Variants in GLIS3 observed in about 807,000 individuals in gnomAD.
GLIS3 encodes the protein GLIS family zinc finger 3.
A neutral mutation model predicts 78.6 loss-of-function variants in GLIS3; 53 were observed. The ratio of observed to expected loss-of-function variants is 0.67; its 90% CI spans 0.54 to 0.85. GLIS3 has a LOEUF of 0.85. Among genes scored for constraint, GLIS3 ranks in the 40% least tolerant of loss-of-function variants. GLIS3 has a pLI of 0.00. For missense variants in GLIS3, 1,703 were observed against 1,231.1 expected (o/e 1.38, Z -5.74); for synonymous variants, 684 against 509.9 (o/e 1.34, Z -4.60).
chr9:4,169,312 T>A (rs1816161827), intron 2 of GLIS3, among the ~76,000 whole-genome samples: 1 of 152,236 alleles, frequency 6.6e-6, no homozygotes, highest in Admixed American at 6.5e-5. Flanking sequence ...TGGAAGTTAC[T>A]AACCAGTTTG....
At chr9:4,258,797 G>C (rs908012698) in intron 2 of GLIS3, among the ~76,000 whole-genome samples, 1 of 152,064 alleles carries the variant, frequency 6.6e-6, no homozygotes, top group African/African-American at 2.4e-5. Context: ...GAAGCTACCT[G>C]GAAACAAAAT....
At chr9:3,873,934 T>G (rs943960563) in intron 8 of GLIS3, among the ~76,000 whole-genome samples, 1 of 152,134 alleles carries the variant, frequency 6.6e-6, no homozygotes, top group South Asian at 2.1e-4. Context: ...ATACACTAGA[T>G]TGAATACTCT....
At chr9:4,113,396 T>C (rs1009914107) in intron 4 of GLIS3, among the ~76,000 whole-genome samples, 7 of 152,182 alleles carry the variant, frequency 4.6e-5, no homozygotes, top group African/African-American at 1.4e-4. Flanking sequence ...TCAACCTTAC[T>C]AGGTATTACC....
chr9:4,345,045 A>C (rs1817880581), intron 2 of GLIS3, among the ~76,000 whole-genome samples: 1 of 152,194 alleles, frequency 6.6e-6, no homozygotes, highest in East Asian at 1.9e-4. Flanking sequence ...TTGTTAGTAC[A>C]ACCACGAAAA....
At chr9:4,210,807 G>A (rs1035386015) in intron 2 of GLIS3, among the ~76,000 whole-genome samples, 2 of 152,230 alleles carry the variant, frequency 1.3e-5, no homozygotes, top group East Asian at 1.9e-4. Context: ...CAATAAGCAA[G>A]TCATGGGCCT....
At chr9:4,185,550 GT>G (rs1185619009) in intron 2 of GLIS3, among the ~76,000 whole-genome samples, 3 of 152,012 alleles carry the variant, frequency 2.0e-5, no homozygotes, top group African/African-American at 4.8e-5. Flanking sequence ...AAAGTTGATG[GT>G]TTATGTATTC....
At chr9:4,356,799 A>T in the GLIS3 span, among the ~76,000 whole-genome samples, 29 of 152,330 alleles carry the variant, frequency 1.9e-4, no homozygotes, top group Middle Eastern at 3.4e-3. Flanking sequence ...AAAATCTCTA[A>T]AGGTTTGATT....
At chr9:4,169,736 A>G (rs1378156622) in intron 2 of GLIS3, among the ~76,000 whole-genome samples, 1 of 152,228 alleles carries the variant, frequency 6.6e-6, no homozygotes, top group African/African-American at 2.4e-5. Flanking sequence ...CGTTCAGGAA[A>G]AAAACACAGG....
chr9:3,829,233 C>T (rs1817900172), intron 10 of GLIS3, 77 bp downstream of exon 10: 1 of 1,280,576 alleles, frequency 7.8e-7, no homozygotes, highest in African/African-American at 1.5e-5. Flanking sequence ...ACGTCCAGCC[C>T]AGGTCGGTCA....
At chr9:4,231,048 G>T (rs1176312798) in intron 2 of GLIS3, among the ~76,000 whole-genome samples, 1 of 152,008 alleles carries the variant, frequency 6.6e-6, no homozygotes, top group Non-Finnish European at 1.5e-5. Context: ...CTCCAGCCTA[G>T]GCAAGAGAAT....
At position 3,828,244 on chromosome 9, in the gene GLIS3, G is replaced by A. The variant is rs767469455; in HGVS notation, c.*28C>T. ...AGGTGGCAAGCAACATCAAGGTCCT[G>A]GGTGTGCAGGAGTGGCCAAGAGAGC... On this transcript the variant is annotated 3_prime_UTR_variant, in exon 11 of 11. Coordinates refer to ENST00000381971, the MANE Select transcript of GLIS3 (RefSeq NM_001042413.2). The A allele has an allele frequency of 4.3e-6, 7 of 1,613,594 alleles. No homozygotes were observed. In the African/African-American group the frequency reaches 8.0e-5, roughly 18 times the overall value.
At chr9:4,440,836 A>G in the GLIS3 span, among the ~76,000 whole-genome samples, 2 of 151,870 alleles carry the variant, frequency 1.3e-5, no homozygotes, top group Admixed American at 6.6e-5. Flanking sequence ...AATTTCTTTC[A>G]TCAGTTTTTT....
the GLIS3 span, among the ~76,000 whole-genome samples, chr9:4,403,815 G>C: frequency 1.3e-5 from 2 of 151,846 alleles, no homozygotes; most frequent in South Asian, 4.2e-4. Flanking sequence ...AGAAGGAAGA[G>C]AACAATGCAA....
the GLIS3 span, among the ~76,000 whole-genome samples, chr9:4,482,976 A>G: frequency 6.6e-6 from 1 of 152,198 alleles, no homozygotes; most frequent in Admixed American, 6.5e-5. Context: ...CATTCTAACA[A>G]GTCTTTCAAT....
intron 2 of GLIS3, among the ~76,000 whole-genome samples, chr9:4,154,648 C>T (rs1200055621): frequency 6.6e-6 from 1 of 152,008 alleles, no homozygotes; most frequent in Non-Finnish European, 1.5e-5. Context: ...AAGGGCCTAA[C>T]CAATTCACAA....
chr9:4,024,688 C>G (rs146388271), intron 4 of GLIS3, among the ~76,000 whole-genome samples: 27 of 152,318 alleles, frequency 1.8e-4, no homozygotes, highest in African/African-American at 6.3e-4. Context: ...ATTCACAGGG[C>G]AAAGACAGAG....
chr9:4,432,307 C>T, the GLIS3 span, among the ~76,000 whole-genome samples: 1 of 152,094 alleles, frequency 6.6e-6, no homozygotes, highest in South Asian at 2.1e-4. Context: ...TTTAATTGAT[C>T]AGGAAAGGCC....
At chr9:4,213,283 C>T (rs911552620) in intron 2 of GLIS3, among the ~76,000 whole-genome samples, 1 of 152,186 alleles carries the variant, frequency 6.6e-6, no homozygotes, top group African/African-American at 2.4e-5. Context: ...CTCCAGGAAG[C>T]CATCCCTGAC....
At chr9:4,357,938 G>C in the GLIS3 span, among the ~76,000 whole-genome samples, 2 of 152,116 alleles carry the variant, frequency 1.3e-5, no homozygotes, top group African/African-American at 2.4e-5. Flanking sequence ...CACCATTAGA[G>C]GGTCATTAAA....
Sources: allele counts gnomAD v4.1 joint callset (sites outside exome capture counted in the v4.1 genomes callset), GRCh38; gene constraint gnomAD v4.1.1; transcripts MANE v1.5; gene names NCBI Gene and HGNC (gene_info 2026-07-23, HGNC 2026-07-21).